KCTD8: variants seen among roughly 807,000 people sequenced by gnomAD.
KCTD8 encodes BTB/POZ domain-containing protein KCTD8.
In KCTD8, 27 loss-of-function variants were observed where a neutral mutation model predicts 31.5. The observed-to-expected ratio is 0.86, with a 90% CI of 0.63 to 1.18. KCTD8 has a LOEUF of 1.18. KCTD8 is among the 50% of genes most tolerant of loss of function. The probability of loss-of-function intolerance (pLI) is 0.00; values close to 1 mark genes in which losing one functional copy is unlikely to be tolerated. For missense variants in KCTD8, 658 were observed against 647.7 expected, an observed-to-expected ratio of 1.02 and a Z score of -0.17; for synonymous variants, 290 against 280.0, an observed-to-expected ratio of 1.04 and a Z score of -0.36.
intron 1 of KCTD8, among the ~76,000 whole-genome samples, chr4:44,241,110 C>G (rs559191528): frequency 6.6e-6 from 1 of 152,286 alleles, no homozygotes; most frequent in Non-Finnish European, 1.5e-5. Context: ...CTACTAAATT[C>G]CTAATCTATA....
chr4:44,362,120 G>A (rs1418878040), intron 1 of KCTD8, among the ~76,000 whole-genome samples: 2 of 151,778 alleles, frequency 1.3e-5, no homozygotes, highest in African/African-American at 2.4e-5. Context: ...AGAGGTGAAC[G>A]TACAGAAACA....
At chr4:44,202,817 T>C (rs1714189221) in intron 1 of KCTD8, among the ~76,000 whole-genome samples, 1 of 152,134 alleles carries the variant, frequency 6.6e-6, no homozygotes, top group South Asian at 2.1e-4. Flanking sequence ...AAATAATACT[T>C]GCATTGCACA....
chr4:44,200,508 T>C (rs1714109067), intron 1 of KCTD8, among the ~76,000 whole-genome samples: 3 of 152,084 alleles, frequency 2.0e-5, no homozygotes, highest in South Asian at 4.1e-4. Context: ...TCAACATAAA[T>C]AAATCAATAA....
At chr4:44,347,285 C>A (rs1719059015) in intron 1 of KCTD8, among the ~76,000 whole-genome samples, 1 of 152,190 alleles carries the variant, frequency 6.6e-6, no homozygotes, top group Admixed American at 6.5e-5. Flanking sequence ...AGGTCCATGA[C>A]AATCATGGTT....
chr4:44,363,520 A>G (rs1418547091), intron 1 of KCTD8, among the ~76,000 whole-genome samples: 3 of 152,170 alleles, frequency 2.0e-5, no homozygotes, highest in Non-Finnish European at 4.4e-5. Context: ...AAGAAGGACC[A>G]AGAAAGAGAG....
At chr4:44,240,041 T>A (rs1282334410) in intron 1 of KCTD8, among the ~76,000 whole-genome samples, 1 of 152,200 alleles carries the variant, frequency 6.6e-6, no homozygotes, top group African/African-American at 2.4e-5. Context: ...CCTGCAGGAA[T>A]CATTACAATT....
At chr4:44,356,550 T>C (rs1005835266) in intron 1 of KCTD8, among the ~76,000 whole-genome samples, 3 of 152,132 alleles carry the variant, frequency 2.0e-5, no homozygotes, top group African/African-American at 7.2e-5. Context: ...CTCAACTCAC[T>C]GCAACTTCCG....
At chr4:44,378,238 A>T (rs372547811) in intron 1 of KCTD8, among the ~76,000 whole-genome samples, 1 of 143,762 alleles carries the variant, frequency 7.0e-6, no homozygotes, top group African/African-American at 2.5e-5. Flanking sequence ...TATATGTATA[A>T]ATATATATAT....
intron 1 of KCTD8, among the ~76,000 whole-genome samples, chr4:44,289,989 C>CATTTAATGAATACATGAAT: frequency 6.6e-6 from 1 of 151,996 alleles, no homozygotes; most frequent in East Asian, 1.9e-4. Context: ...AGTAAATGGT[C>CATTTAATGAATACATGAAT]CAAATGCCGC....
chr4:44,235,525 TTATATATATATATATATATATATATA>T (rs752341720), intron 1 of KCTD8, among the ~76,000 whole-genome samples: 33 of 55,084 alleles, frequency 6.0e-4, no homozygotes, highest in East Asian at 1.2e-3. Flanking sequence ...AGACACTGGA[TTATATATATATATATATATATATATA>T]TATATATATA....
chr4:44,228,116 C>A (rs1034562225), intron 1 of KCTD8, among the ~76,000 whole-genome samples: 4 of 152,156 alleles, frequency 2.6e-5, no homozygotes, highest in Non-Finnish European at 5.9e-5. Context: ...CTCCCCTTAT[C>A]AGTTTGCTAG....
intron 1 of KCTD8, among the ~76,000 whole-genome samples, chr4:44,370,100 T>C (rs535339803): frequency 6.6e-6 from 1 of 152,316 alleles, no homozygotes; most frequent in East Asian, 1.9e-4. Context: ...CTCTTTCACC[T>C]GCAAACTTCA....
At chr4:44,445,133 A>AAAT (rs1162232727) in intron 1 of KCTD8, among the ~76,000 whole-genome samples, 5 of 152,200 alleles carry the variant, frequency 3.3e-5, no homozygotes, top group African/African-American at 1.2e-4. Context: ...AATACGATGG[A>AAAT]AATACATTTT....
intron 1 of KCTD8, among the ~76,000 whole-genome samples, chr4:44,218,264 G>T (rs1714708061): frequency 6.7e-6 from 1 of 150,156 alleles, no homozygotes; most frequent in Non-Finnish European, 1.5e-5. Context: ...TTCCTGAGTA[G>T]CTGGGATTAT....
chr4:44,259,026 A>T (rs560744209), intron 1 of KCTD8, among the ~76,000 whole-genome samples: 9 of 152,042 alleles, frequency 5.9e-5, no homozygotes, highest in Non-Finnish European at 1.2e-4. Context: ...ATTTCTAAAT[A>T]ATTTCTAAAT....
At chr4:44,400,221 G>GT (rs1332001576) in intron 1 of KCTD8, among the ~76,000 whole-genome samples, 1 of 152,114 alleles carries the variant, frequency 6.6e-6, no homozygotes, top group East Asian at 1.9e-4. Flanking sequence ...ATAATGGCTT[G>GT]TATTGCCTAC....
At chr4:44,347,578 T>C (rs1359833573) in intron 1 of KCTD8, among the ~76,000 whole-genome samples, 1 of 152,200 alleles carries the variant, frequency 6.6e-6, no homozygotes, top group South Asian at 2.1e-4. Flanking sequence ...TTGAGCTTTT[T>C]CAGCTAAACA....
chr4:44,426,343 G>C (rs1002474038), intron 1 of KCTD8, among the ~76,000 whole-genome samples: 6 of 151,082 alleles, frequency 4.0e-5, no homozygotes, highest in Non-Finnish European at 8.9e-5. Flanking sequence ...TAAAAAACTA[G>C]AAGCTTTAAG....
At chr4:44,401,968 T>A (rs1280341559) in intron 1 of KCTD8, among the ~76,000 whole-genome samples, 2 of 152,196 alleles carry the variant, frequency 1.3e-5, no homozygotes, top group Non-Finnish European at 2.9e-5. Context: ...AACTGAAATA[T>A]TTGATGAAGT....
Sources: gnomAD v4.1 joint callset for allele counts (sites outside exome capture counted in the v4.1 genomes callset) on GRCh38, gnomAD v4.1.1 for gene constraint, MANE v1.5 for transcripts, NCBI Gene and HGNC (gene_info 2026-07-23, HGNC 2026-07-21) for gene names.